ASNS: variants seen among roughly 807,000 people sequenced by gnomAD.
ASNS encodes asparagine synthetase (glutamine-hydrolyzing), also known as asparagine synthetase [glutamine-hydrolyzing].
Under a neutral mutation model 62.6 loss-of-function variants are expected in ASNS, and 37 were observed. The ratio of observed to expected loss-of-function variants is 0.59; its 90% CI spans 0.45 to 0.78. The LOEUF is 0.78. Among genes scored for constraint, ASNS ranks in the 30% least tolerant of loss-of-function variants. The pLI is 0.00. For missense variants in ASNS, 520 were observed against 682.4 expected, an observed-to-expected ratio of 0.76 and a Z score of 2.65; for synonymous variants, 207 against 237.9, an observed-to-expected ratio of 0.87 and a Z score of 1.19.
chr7:97,866,016 T>G (rs765665342), intron 3 of ASNS, among the ~76,000 whole-genome samples: 9 of 152,194 alleles, frequency 5.9e-5, no homozygotes, highest in Non-Finnish European at 1.2e-4. Flanking sequence ...TCAAAAAGTT[T>G]CAGATTTTGG....
At chr7:97,890,755 A>T in the ASNS span, among the ~76,000 whole-genome samples, 1 of 152,190 alleles carries the variant, frequency 6.6e-6, no homozygotes, top group Non-Finnish European at 1.5e-5. Context: ...GCTAAAAAAA[A>T]AATAGTAATA....
chr7:97,925,455 G>A, the ASNS span, among the ~76,000 whole-genome samples: 4 of 152,062 alleles, frequency 2.6e-5, no homozygotes, highest in Non-Finnish European at 5.9e-5. Flanking sequence ...GGAGACATCT[G>A]GGGTAGCCAT....
intron 3 of ASNS, among the ~76,000 whole-genome samples, chr7:97,866,159 T>C (rs4634561): frequency 0.074 from 11,327 of 152,228 alleles, 582 homozygotes; most frequent in East Asian, 0.11. Flanking sequence ...TTTGAGAAGA[T>C]AGTATTGGCT....
the ASNS span, chr7:97,928,258 G>A: frequency 7.9e-6 from 12 of 1,524,706 alleles, no homozygotes; most frequent in South Asian, 1.3e-4. Flanking sequence ...TCCCTGCCTC[G>A]GGGCTTGCCA....
At chr7:97,928,191 A>C in the ASNS span, 12 of 1,529,300 alleles carry the variant, frequency 7.8e-6, no homozygotes, top group Non-Finnish European at 1.0e-5. Context: ...CTCCAGCAAG[A>C]GCCGCAGCCT....
At chr7:97,857,124 G>T (rs1211622106) in intron 7 of ASNS, among the ~76,000 whole-genome samples, 1 of 152,028 alleles carries the variant, frequency 6.6e-6, no homozygotes, top group Non-Finnish European at 1.5e-5. Context: ...TCTCTCTCTA[G>T]TCCAACATGG....
chr7:97,867,469 G>T (rs1049248150), intron 3 of ASNS, among the ~76,000 whole-genome samples: 2 of 152,084 alleles, frequency 1.3e-5, no homozygotes, highest in African/African-American at 4.8e-5. Context: ...ATTTAGAATA[G>T]AAATTAATTA....
chr7:97,854,545 TG>T, intron 10 of ASNS, 34 bp downstream of exon 10: 7 of 1,588,908 alleles, frequency 4.4e-6, no homozygotes, highest in Non-Finnish European at 6.0e-6. Context: ...GGTGTTTTTT[TG>T]TTTTTGTTTT....
intron 3 of ASNS, among the ~76,000 whole-genome samples, chr7:97,866,392 G>A (rs575990326): frequency 1.9e-4 from 29 of 152,280 alleles, no homozygotes; most frequent in African/African-American, 6.3e-4. Flanking sequence ...ATAAAATGAC[G>A]GTGGCGCTTT....
the ASNS span, among the ~76,000 whole-genome samples, chr7:97,900,673 T>C: frequency 6.6e-6 from 1 of 152,232 alleles, no homozygotes; most frequent in East Asian, 1.9e-4. Flanking sequence ...ACATGGCTCC[T>C]ACTGCAAATG....
the ASNS span, among the ~76,000 whole-genome samples, chr7:97,894,463 C>A: frequency 3.4e-5 from 3 of 87,244 alleles, no homozygotes; most frequent in East Asian, 3.3e-4. Flanking sequence ...AATTGATAAA[C>A]CACTAGTGAG....
chr7:97,899,696 A>G, the ASNS span, among the ~76,000 whole-genome samples: 1 of 152,190 alleles, frequency 6.6e-6, no homozygotes, highest in Non-Finnish European at 1.5e-5. Context: ...GTAGAATGTG[A>G]TCTTTCATCT....
chr7:97,883,563 C>A, the ASNS span, among the ~76,000 whole-genome samples: 1 of 152,174 alleles, frequency 6.6e-6, no homozygotes, highest in African/African-American at 2.4e-5. Context: ...AATGCCTCCT[C>A]ACTGGCCTCT....
Position 97,858,373 on chromosome 7 carries a change from G to A in ASNS, c.808C>T (p.Leu270=). The change falls in exon 7 of 13, where the codon CTG becomes TTG. Residue 270 remains leucine, a synonymous_variant. Coordinates refer to ENST00000394308, the MANE Select transcript of ASNS (RefSeq NM_001673.5). ...TGGGCTTCTTTCAGCTGCTTCAACA[G>A]AGTGGCAGCAACCAAGCTGGAGTCC... The part of the protein sequence containing the change: ...GLDSSLVAAT[L]LKQLKEAQVQ... 6.2e-7 allele frequency: 1 copy of A among 1,614,158 alleles called. No individual in the cohort carries two copies. Among genetic ancestry groups the A allele is most frequent in the Non-Finnish European group, 8.5e-7 (1 of 1,180,030 alleles).
At chr7:97,927,109 G>A in the ASNS span, among the ~76,000 whole-genome samples, 1 of 114,212 alleles carries the variant, frequency 8.8e-6, no homozygotes. Flanking sequence ...TGGTAGATAT[G>A]AGGCTTCACC....
At chr7:97,918,156 G>A in the ASNS span, among the ~76,000 whole-genome samples, 1 of 152,176 alleles carries the variant, frequency 6.6e-6, no homozygotes, top group East Asian at 1.9e-4. Context: ...GGACACCAGG[G>A]TGCAGACTGG....
chr7:97,854,432 G>T, intron 10 of ASNS, 148 bp downstream of exon 10: 1 of 929,538 alleles, frequency 1.1e-6, no homozygotes, highest in Non-Finnish European at 1.6e-6. Context: ...CTCTATAAAA[G>T]TCACACTTTG....
the ASNS span, among the ~76,000 whole-genome samples, chr7:97,926,296 T>G: frequency 6.6e-6 from 1 of 152,114 alleles, no homozygotes; most frequent in African/African-American, 2.4e-5. Context: ...CTTAAAAGCA[T>G]CTGAATGCCC....
chr7:97,876,881 A>C (rs957194813), upstream of ASNS, among the ~76,000 whole-genome samples: 6 of 152,120 alleles, frequency 3.9e-5, no homozygotes, highest in African/African-American at 1.4e-4. Flanking sequence ...TGGACGCTGT[A>C]ATGACTTTAG....
Sources: gnomAD v4.1 joint callset for allele counts (sites outside exome capture counted in the v4.1 genomes callset) on GRCh38, gnomAD v4.1.1 for gene constraint, MANE v1.5 for transcripts, NCBI Gene and HGNC (gene_info 2026-07-23, HGNC 2026-07-21) for gene names.